Variants in NRXN1 observed in about 807,000 individuals in gnomAD.
NRXN1 encodes the protein neurexin 1.
NRXN1 carries 39 observed loss-of-function variants against 150.9 expected under a neutral mutation model. That is an observed-to-expected ratio of 0.26 (90% CI 0.20 to 0.34). NRXN1 has a LOEUF of 0.34. Among genes scored for constraint, NRXN1 ranks in the 10% least tolerant of loss-of-function variants. The pLI, the probability that NRXN1 is intolerant of heterozygous loss-of-function variation, is 1.00. For synonymous variants in NRXN1, 924 were observed against 757.0 expected (o/e 1.22, Z -3.62); for missense variants, 1,815 against 1,949.9 (o/e 0.93, Z 1.30).
chr2:50,662,678 G>A (rs1257787069), intron 5 of NRXN1, among the ~76,000 whole-genome samples: 3 of 151,940 alleles, frequency 2.0e-5, no homozygotes, highest in African/African-American at 4.8e-5. Context: ...GTGGTCAAGG[G>A]AAGCCAAAAG....
intron 5 of NRXN1, among the ~76,000 whole-genome samples, chr2:50,722,997 G>A (rs749848834): frequency 1.3e-5 from 2 of 152,016 alleles, no homozygotes; most frequent in Non-Finnish European, 2.9e-5. Context: ...CTCCTGCTTG[G>A]TAGCTTTTGA....
In NRXN1 at chr2:50,306,011, A is replaced by G. The variant is rs77796469; in HGVS notation, c.3365-69041T>C. On this transcript the variant is annotated intron_variant, in intron 17 of 22. Transcript: ENST00000401669. ...TTTGTTAATTAAAATGAGACAAGTG[A>G]AAAGCACTGACAACCTAGACCTTGT... is the stretch of plus-strand genomic sequence containing the variant. Among the ~76,000 whole-genome samples, 957 of 152,300 alleles carry G rather than the reference A, an allele frequency of 6.3e-3. 11 individuals are homozygous for G. The highest frequency in any genetic ancestry group is 0.022 in the African/African-American group (911 of 41,548).
intron 2 of NRXN1, among the ~76,000 whole-genome samples, chr2:51,025,366 C>G (rs1048579325): frequency 6.6e-6 from 1 of 152,172 alleles, no homozygotes; most frequent in Non-Finnish European, 1.5e-5. Flanking sequence ...AAATGCATTT[C>G]AGATACATCT....
At chr2:50,107,128 C>G (rs1438325304) in intron 18 of NRXN1, among the ~76,000 whole-genome samples, 2 of 151,902 alleles carry the variant, frequency 1.3e-5, no homozygotes, top group African/African-American at 4.8e-5. Flanking sequence ...GAAAGGTGAG[C>G]CTTGCGGCAT....
At chr2:51,020,541 G>A (rs926158858) in intron 2 of NRXN1, among the ~76,000 whole-genome samples, 7 of 151,900 alleles carry the variant, frequency 4.6e-5, no homozygotes, top group South Asian at 2.1e-4. Flanking sequence ...CATTCACAAC[G>A]TCCTACAGCA....
intron 17 of NRXN1, among the ~76,000 whole-genome samples, chr2:50,385,672 C>T (rs908318133): frequency 6.6e-6 from 1 of 152,138 alleles, no homozygotes; most frequent in African/African-American, 2.4e-5. Flanking sequence ...CTTGTTCTCA[C>T]ACAGCCTAAG....
chr2:50,487,289 CTG>C (rs1200520091), intron 15 of NRXN1, among the ~76,000 whole-genome samples: 1 of 152,154 alleles, frequency 6.6e-6, no homozygotes, highest in Non-Finnish European at 1.5e-5. Flanking sequence ...ACGTCAAAGA[CTG>C]TATTATTAAT....
rs141019844 is a variant in NRXN1, at chr2:50,921,958, G to T, written c.821-78C>A. 199 of 790,162 alleles carry T rather than the reference G, an allele frequency of 2.5e-4. 1 individual carries two copies. The African/African-American group carries it at 3.3e-3, about 13-fold the overall frequency. 48.9% of individuals were successfully genotyped at this position (790,162 alleles called of 1,614,324 possible). On this transcript the variant is annotated intron_variant, in intron 4 of 22. Coordinates refer to ENST00000401669, the MANE Select transcript of NRXN1 (RefSeq NM_001330078.2). ...ATAAAGAGGAGAAAAACAACAATAA[G>T]TATTATGAACATATGTAAAGCCACT...
intron 5 of NRXN1, among the ~76,000 whole-genome samples, chr2:50,658,453 G>C (rs906670503): frequency 1.8e-5 from 1 of 56,490 alleles, no homozygotes; most frequent in African/African-American, 8.7e-5. Flanking sequence ...AGGCAGGGGA[G>C]CAATTACATA....
intron 2 of NRXN1, among the ~76,000 whole-genome samples, chr2:50,943,812 G>T (rs1689880840): frequency 1.3e-5 from 2 of 152,134 alleles, no homozygotes; most frequent in Admixed American, 1.3e-4. Context: ...AATATATGTT[G>T]CAGAGACAGT....
At chr2:49,995,479 G>C (rs1056483103) in intron 21 of NRXN1, among the ~76,000 whole-genome samples, 17 of 152,000 alleles carry the variant, frequency 1.1e-4, no homozygotes, top group Admixed American at 3.3e-4. Flanking sequence ...ACCATCAGTA[G>C]ACCTTAAAGA....
intron 21 of NRXN1, among the ~76,000 whole-genome samples, chr2:49,964,912 G>C (rs1038338416): frequency 6.6e-6 from 1 of 151,990 alleles, no homozygotes; most frequent in African/African-American, 2.4e-5. Flanking sequence ...TTGAGACGAG[G>C]GTCTCACTCT....
intron 18 of NRXN1, among the ~76,000 whole-genome samples, chr2:50,111,580 A>G (rs1398567345): frequency 6.6e-6 from 1 of 152,034 alleles, no homozygotes; most frequent in African/African-American, 2.4e-5. Context: ...CAGAGGTTGC[A>G]GTGAGCCAAG....
intron 17 of NRXN1, among the ~76,000 whole-genome samples, chr2:50,297,103 C>T (rs1254698858): frequency 6.6e-6 from 1 of 151,836 alleles, no homozygotes; most frequent in African/African-American, 2.4e-5. Context: ...AATGGTCAGG[C>T]TGGTCTCAAA....
intron 21 of NRXN1, among the ~76,000 whole-genome samples, chr2:49,965,978 G>A (rs999106262): frequency 6.6e-6 from 1 of 152,150 alleles, no homozygotes; most frequent in Non-Finnish European, 1.5e-5. Flanking sequence ...GGTTCAGCTG[G>A]TGTGATTTTA....
intron 2 of NRXN1, among the ~76,000 whole-genome samples, chr2:51,023,104 GT>G (rs796518267): frequency 1.8e-4 from 27 of 152,262 alleles, no homozygotes; most frequent in African/African-American, 6.5e-4. Flanking sequence ...TTTTCCCCTA[GT>G]TTAATCTACA....
chr2:50,833,173 A>G (rs1182118685), intron 5 of NRXN1, among the ~76,000 whole-genome samples: 1 of 152,208 alleles, frequency 6.6e-6, no homozygotes, highest in Non-Finnish European at 1.5e-5. Flanking sequence ...AAAAACACTG[A>G]TAGTACCAAG....
intron 2 of NRXN1, among the ~76,000 whole-genome samples, chr2:50,965,692 G>A (rs1293266390): frequency 1.3e-5 from 2 of 151,100 alleles, no homozygotes; most frequent in African/African-American, 2.4e-5. Context: ...TAAAACTCAC[G>A]GTTTTAATGC....
chr2:51,021,881 G>T (rs1419379230), intron 2 of NRXN1, among the ~76,000 whole-genome samples: 1 of 151,996 alleles, frequency 6.6e-6, no homozygotes, highest in Non-Finnish European at 1.5e-5. Context: ...AGTTTATGTG[G>T]AAAGTGAAAG....
Sources: allele counts gnomAD v4.1 joint callset (sites outside exome capture counted in the v4.1 genomes callset), GRCh38; gene constraint gnomAD v4.1.1; transcripts MANE v1.5; gene names NCBI Gene and HGNC (gene_info 2026-07-23, HGNC 2026-07-21).